The following ATP8A2 variants were observed in gnomAD, a reference collection of about 807,000 sequenced individuals.
The protein encoded by ATP8A2 is phospholipid-transporting ATPase IB.
Under a neutral mutation model 165.6 loss-of-function variants are expected in ATP8A2, and 100 were observed. The ratio of observed to expected loss-of-function variants is 0.60; its 90% confidence interval spans 0.51 to 0.71. The LOEUF (loss-of-function observed/expected upper bound fraction) is 0.71. Ranked by LOEUF, ATP8A2 falls within the 30% of genes least tolerant of loss-of-function variation. ATP8A2 has a pLI of 0.00. For synonymous variants in ATP8A2, 543 were observed against 548.8 expected (o/e 0.99, Z 0.15); for missense variants, 1,227 against 1,479.5 (o/e 0.83, Z 2.80).
chr13:25,851,036 A>C (rs185071290), intron 30 of ATP8A2, among the ~76,000 whole-genome samples: 25 of 152,270 alleles, frequency 1.6e-4, no homozygotes, highest in Non-Finnish European at 3.4e-4. Flanking sequence ...CAAGTCCCAG[A>C]ATCTCACCTT....
At chr13:25,710,851 G>A (rs186792171) in intron 25 of ATP8A2, among the ~76,000 whole-genome samples, 208 of 127,360 alleles carry the variant, frequency 1.6e-3, no homozygotes, top group African/African-American at 5.8e-3. Flanking sequence ...CAAGAGGCTA[G>A]CACTCAAGCT....
intron 35 of ATP8A2, among the ~76,000 whole-genome samples, chr13:25,980,197 G>A (rs1443691256): frequency 6.6e-6 from 1 of 152,162 alleles, no homozygotes; most frequent in Non-Finnish European, 1.5e-5. Context: ...ACTGTGGAAC[G>A]CAGGTCTTAC....
Position 25,837,385 on chromosome 13 carries a change from T to G in ATP8A2, c.2877+100T>G, listed in dbSNP as rs539724398. The G allele has an allele frequency of 2.0e-5, 28 of 1,379,282 alleles. No homozygotes were observed. In the African/African-American group the frequency reaches 3.8e-4, roughly 19 times the overall value. The allele number at this position is 1,379,282 out of a possible 1,614,324, so 85.4% of individuals were successfully genotyped here. On this transcript the variant is annotated intron_variant, in intron 29 of 36. Coordinates refer to ENST00000381655, the MANE Select transcript of ATP8A2 (RefSeq NM_016529.6). Reference sequence around the variant, plus strand: ...ATAGTTGAAGCTTGAGAAAGAACATTTGAGAAGTGCTGAAAACATGATCCA... The same window carrying G: ...ATAGTTGAAGCTTGAGAAAGAACATGTGAGAAGTGCTGAAAACATGATCCA...
At chr13:25,442,817 A>T (rs1171645865) in intron 1 of ATP8A2, among the ~76,000 whole-genome samples, 1 of 152,196 alleles carries the variant, frequency 6.6e-6, no homozygotes, top group Non-Finnish European at 1.5e-5. Context: ...TGTCTATGCC[A>T]GTCCCTTGCC....
At chr13:25,496,363 G>C (rs908169703) in intron 2 of ATP8A2, among the ~76,000 whole-genome samples, 2 of 152,022 alleles carry the variant, frequency 1.3e-5, no homozygotes, top group Non-Finnish European at 2.9e-5. Context: ...TTCCTATTGC[G>C]TCTGGCTTAT....
intron 25 of ATP8A2, among the ~76,000 whole-genome samples, chr13:25,768,163 A>C (rs1029970642): frequency 6.6e-6 from 1 of 152,018 alleles, no homozygotes; most frequent in Non-Finnish European, 1.5e-5. Context: ...CAGCTTACCA[A>C]TTCAGAATGT....
In ATP8A2 at chr13:25,491,869, T is replaced by A. The variant is rs540507068; in HGVS notation, c.221+22748T>A. Among the ~76,000 whole-genome samples, 150 of 152,358 alleles carry A rather than the reference T, an allele frequency of 9.8e-4. 1 individual carries two copies. Among genetic ancestry groups the A allele is most frequent in the Admixed American group, 7.2e-4 (11 of 15,306 alleles). On this transcript the variant is annotated intron_variant, in intron 2 of 36. Transcript: ENST00000381655. ...TACCTTTGATAGAGCATTGGTTTTG[T>A]TAAATTTCACTTATTAGTTACTTGC...
intron 24 of ATP8A2, among the ~76,000 whole-genome samples, chr13:25,696,859 G>A (rs753480610): frequency 3.3e-5 from 5 of 152,190 alleles, no homozygotes; most frequent in East Asian, 1.9e-4. Context: ...TGGTGCAAGA[G>A]GCCTAGCTTT....
intron 33 of ATP8A2, among the ~76,000 whole-genome samples, chr13:25,937,970 A>G (rs1326199158): frequency 6.6e-6 from 1 of 151,968 alleles, no homozygotes; most frequent in Non-Finnish European, 1.5e-5. Flanking sequence ...GGAAAATGCT[A>G]TAAACGTGGG....
intron 24 of ATP8A2, among the ~76,000 whole-genome samples, chr13:25,635,920 T>C (rs2041355970): frequency 1.3e-5 from 2 of 152,182 alleles, no homozygotes; most frequent in African/African-American, 2.4e-5. Flanking sequence ...TTTTGCAAAA[T>C]GCTTTCTACA....
intron 30 of ATP8A2, among the ~76,000 whole-genome samples, chr13:25,856,667 T>C (rs1017630293): frequency 2.6e-5 from 4 of 152,256 alleles, no homozygotes; most frequent in African/African-American, 9.6e-5. Context: ...CAGAATGTTA[T>C]GCAACCATCA....
At chr13:25,881,150 C>T (rs1304726746) in intron 33 of ATP8A2, among the ~76,000 whole-genome samples, 4 of 151,726 alleles carry the variant, frequency 2.6e-5, no homozygotes, top group African/African-American at 9.7e-5. Flanking sequence ...TTTTTTTCTC[C>T]CTGCCCTCCT....
At position 25,451,950 on chromosome 13, in the gene ATP8A2, G is replaced by A. The variant is rs183500662; in HGVS notation, c.77-17027G>A. Among the ~76,000 whole-genome samples, 348 of 151,888 alleles carry A rather than the reference G, an allele frequency of 2.3e-3. 1 individual carries two copies. The highest frequency in any genetic ancestry group is 8.0e-3 in the African/African-American group (331 of 41,384). The stretch of plus-strand genomic sequence containing the variant: ...GCTCACTGTGACCTCCGCCTCCTGG[G>A]TTCGCGCCATTCTCCTGCCTCAGCC... On this transcript the variant is annotated intron_variant, in intron 1 of 36. Coordinates refer to ENST00000381655, the MANE Select transcript of ATP8A2 (RefSeq NM_016529.6).
intron 1 of ATP8A2, among the ~76,000 whole-genome samples, chr13:25,388,891 A>C (rs12430876): frequency 0.34 from 51,337 of 151,940 alleles, 9,047 homozygotes; most frequent in South Asian, 0.4. Flanking sequence ...ATGTCTCCAC[A>C]TGTTTGATGG....
intron 1 of ATP8A2, among the ~76,000 whole-genome samples, chr13:25,448,808 C>T (rs1276853319): frequency 6.6e-6 from 1 of 152,062 alleles, no homozygotes; most frequent in Non-Finnish European, 1.5e-5. Context: ...TGCCACCAGC[C>T]CTGGCTAATT....
At chr13:25,997,125 G>T (rs1956528265) in intron 35 of ATP8A2, among the ~76,000 whole-genome samples, 2 of 152,224 alleles carry the variant, frequency 1.3e-5, no homozygotes, top group South Asian at 4.1e-4. Flanking sequence ...CCACCTTATA[G>T]GACTTTCTTT....
intron 2 of ATP8A2, among the ~76,000 whole-genome samples, chr13:25,469,895 A>G (rs1450163545): frequency 6.6e-6 from 1 of 152,192 alleles, no homozygotes; most frequent in East Asian, 1.9e-4. Flanking sequence ...ACATTTTCAA[A>G]TTTCATTAAA....
chr13:25,888,790 C>G (rs547075928), intron 33 of ATP8A2, among the ~76,000 whole-genome samples: 2 of 152,226 alleles, frequency 1.3e-5, no homozygotes, highest in South Asian at 2.1e-4. Context: ...ACCTGGGAGG[C>G]GGAGGTTGCG....
chr13:25,383,706 A>G lies in ATP8A2; in HGVS notation c.76+11418A>G, dbSNP rs76117707. On this transcript the variant is annotated intron_variant, in intron 1 of 36. Coordinates refer to ENST00000381655, the MANE Select transcript of ATP8A2 (RefSeq NM_016529.6). ...TTATTCTTTTAGAGGGTATACTTAT[A>G]TTATGAATATAGTATTTACTTACTT... Among the ~76,000 whole-genome samples, 937 of 152,306 alleles carry G rather than the reference A, an allele frequency of 6.2e-3. 48 individuals carry two copies. In the East Asian group the frequency reaches 0.13, roughly 21 times the overall value.
Sources: gnomAD v4.1 joint callset for allele counts (sites outside exome capture counted in the v4.1 genomes callset) on GRCh38, gnomAD v4.1.1 for gene constraint, MANE v1.5 for transcripts, NCBI Gene and HGNC (gene_info 2026-07-23, HGNC 2026-07-21) for gene names.